The following CADM1 variants were observed in gnomAD, a reference collection of about 807,000 sequenced individuals.
CADM1 encodes the protein TSLC-1.
In CADM1, 15 loss-of-function variants were observed where a neutral mutation model predicts 53.1. The ratio of observed to expected loss-of-function variants is 0.28; its 90% CI spans 0.19 to 0.44. The LOEUF (loss-of-function observed/expected upper bound fraction) is 0.44, where lower values mean the gene tolerates loss of function less well. Ranked by LOEUF, CADM1 falls within the 20% of genes least tolerant of loss-of-function variation. CADM1 has a pLI of 1.00. For missense variants in CADM1, 434 were observed against 611.3 expected, an observed-to-expected ratio of 0.71 and a Z score of 3.06; for synonymous variants, 281 against 243.0, an observed-to-expected ratio of 1.16 and a Z score of -1.45.
intron 1 of CADM1, among the ~76,000 whole-genome samples, chr11:115,265,084 G>A (rs972264138): frequency 6.6e-6 from 1 of 152,134 alleles, no homozygotes; most frequent in East Asian, 1.9e-4. Flanking sequence ...GTTTGCTCTC[G>A]AAATATTGTT....
chr11:115,229,363 A>G (rs1941736502), intron 4 of CADM1, 92 bp from the exon 5 acceptor site: 2 of 1,169,660 alleles, frequency 1.7e-6, no homozygotes, highest in South Asian at 2.5e-5. Context: ...TAACCCCAAC[A>G]TTGCTATTTT....
At chr11:115,328,562 T>C (rs1945020157) in intron 1 of CADM1, among the ~76,000 whole-genome samples, 1 of 149,410 alleles carries the variant, frequency 6.7e-6, no homozygotes, top group Admixed American at 6.8e-5. Context: ...CTAAATTCCC[T>C]TGTCTGCCTA....
intron 1 of CADM1, among the ~76,000 whole-genome samples, chr11:115,432,990 T>G (rs1948093833): frequency 6.6e-6 from 1 of 152,210 alleles, no homozygotes. Context: ...CGTATTTAAA[T>G]AGCATTCCAA....
chr11:115,363,645 A>T (rs1471427199), intron 1 of CADM1: 1 of 152,234 alleles, frequency 6.6e-6, no homozygotes, highest in African/African-American at 2.4e-5. Flanking sequence ...TGATCATTGC[A>T]TCAGTTCAAC....
intron 1 of CADM1, among the ~76,000 whole-genome samples, chr11:115,372,943 T>A (rs1791175714): frequency 1.3e-5 from 2 of 152,204 alleles, no homozygotes. Context: ...TATGCACCTG[T>A]TACTCCTTTG....
intron 1 of CADM1, among the ~76,000 whole-genome samples, chr11:115,412,274 A>G (rs548348792): frequency 2.0e-5 from 3 of 152,238 alleles, no homozygotes; most frequent in African/African-American, 7.2e-5. Context: ...GCTCACTGCA[A>G]CCTCTACCTC....
At chr11:115,502,595 A>C (rs1949752856) in intron 1 of CADM1, among the ~76,000 whole-genome samples, 1 of 151,984 alleles carries the variant, frequency 6.6e-6, no homozygotes, top group African/African-American at 2.4e-5. Context: ...ACAGAGGAAA[A>C]ACACATAAAC....
intron 1 of CADM1, among the ~76,000 whole-genome samples, chr11:115,272,915 A>C (rs913753092): frequency 6.6e-6 from 1 of 152,168 alleles, no homozygotes; most frequent in Non-Finnish European, 1.5e-5. Context: ...AATTTAAAAA[A>C]AAAGCAACGA....
rs7939813 is a variant in CADM1, at chr11:115,174,542, G to A, written c.*1932C>T. On this transcript the variant is annotated 3_prime_UTR_variant, in exon 12 of 12. Transcript: ENST00000331581. ...TGGATTTTCTTTTACATACCAGTCCGTTCCCAAAAGGCCCCCATATTGCAA... is the reference window on the plus strand; with the variant it reads ...TGGATTTTCTTTTACATACCAGTCCATTCCCAAAAGGCCCCCATATTGCAA... 3,382 of 985,472 alleles carry A rather than the reference G, an allele frequency of 3.4e-3. 66 individuals carry two copies. The African/African-American group carries it at 0.048, about 14-fold the overall frequency. The allele number at this position is 985,472 out of a possible 1,614,324, so 61.0% of individuals were successfully genotyped here. A position where few individuals can be genotyped will look rare whatever the true frequency, so the allele number is the denominator to read the frequency against.
At chr11:115,238,427 AC>A in intron 3 of CADM1, 72 bp downstream of exon 3, 1 of 1,478,668 alleles carries the variant, frequency 6.8e-7, no homozygotes, top group Non-Finnish European at 9.5e-7. Flanking sequence ...TTCACCATTA[AC>A]CTTTTCCTTG....
intron 1 of CADM1, among the ~76,000 whole-genome samples, chr11:115,386,744 C>T (rs2135169656): frequency 6.6e-6 from 1 of 152,302 alleles, no homozygotes; most frequent in East Asian, 1.9e-4. Flanking sequence ...CTTAAAGGCT[C>T]TACCTCTCAA....
At chr11:115,317,983 TACACACACACAC>T (rs35753948) in intron 1 of CADM1, among the ~76,000 whole-genome samples, 9 of 149,082 alleles carry the variant, frequency 6.0e-5, no homozygotes, top group African/African-American at 1.5e-4. Context: ...TATTACACAC[TACACACACACAC>T]ACACACACAC....
intron 1 of CADM1, among the ~76,000 whole-genome samples, chr11:115,480,045 T>C (rs1949225421): frequency 1.3e-5 from 2 of 152,358 alleles, no homozygotes; most frequent in South Asian, 2.1e-4. Flanking sequence ...TTTAAAATTA[T>C]AAAGTTTGTA....
At chr11:115,374,120 G>A (rs1197027031) in intron 1 of CADM1, among the ~76,000 whole-genome samples, 1 of 152,142 alleles carries the variant, frequency 6.6e-6, no homozygotes, top group Admixed American at 6.5e-5. Context: ...AGAAATAGCT[G>A]ATTCCAGGTT....
chr11:115,299,856 C>G (rs1944174114), intron 1 of CADM1, among the ~76,000 whole-genome samples: 1 of 152,022 alleles, frequency 6.6e-6, no homozygotes, highest in Non-Finnish European at 1.5e-5. Flanking sequence ...AGCAGAGGAC[C>G]CTGCCTTGAA....
intron 1 of CADM1, among the ~76,000 whole-genome samples, chr11:115,368,911 A>C (rs1946240084): frequency 6.6e-6 from 1 of 151,712 alleles, no homozygotes; most frequent in South Asian, 2.1e-4. Context: ...ATTAACTTTA[A>C]ATTGAAATAG....
At chr11:115,326,177 A>T (rs1289317618) in intron 1 of CADM1, among the ~76,000 whole-genome samples, 3 of 152,218 alleles carry the variant, frequency 2.0e-5, no homozygotes, top group Non-Finnish European at 4.4e-5. Context: ...TATAATAAAG[A>T]ATATAAAAGC....
At chr11:115,384,991 CCTAAT>C (rs1455359269) in intron 1 of CADM1, among the ~76,000 whole-genome samples, 1 of 152,036 alleles carries the variant, frequency 6.6e-6, no homozygotes, top group Non-Finnish European at 1.5e-5. Flanking sequence ...TCTTAACATT[CCTAAT>C]CTAAATAGAA....
intron 5 of CADM1, 80 bp from the exon 6 acceptor site, chr11:115,218,071 C>T: frequency 3.3e-6 from 3 of 904,192 alleles, no homozygotes; most frequent in East Asian, 5.0e-5. Flanking sequence ...TGCCTCAAAA[C>T]CACAGTACCA....
Sources: gnomAD v4.1 joint callset for allele counts (sites outside exome capture counted in the v4.1 genomes callset) on GRCh38, gnomAD v4.1.1 for gene constraint, MANE v1.5 for transcripts, NCBI Gene and HGNC (gene_info 2026-07-23, HGNC 2026-07-21) for gene names.